Variants in TRIM27 observed in about 807,000 individuals in gnomAD.
The protein encoded by TRIM27 is tripartite motif containing 27.
A neutral mutation model predicts 57.6 loss-of-function variants in TRIM27; 12 were observed. That is an observed-to-expected ratio of 0.21 (90% CI 0.13 to 0.34). The LOEUF (loss-of-function observed/expected upper bound fraction) is 0.34, where lower values mean the gene tolerates loss of function less well. Among genes scored for constraint, TRIM27 ranks in the 10% least tolerant of loss-of-function variants. The pLI is 1.00. For synonymous variants in TRIM27, 266 were observed against 259.0 expected (o/e 1.03, Z -0.26); for missense variants, 403 against 656.8 (o/e 0.61, Z 4.22).
Position 28,908,823 on chromosome 6 carries a change from T to A in TRIM27, c.904A>T (p.Met302Leu). 6.2e-7 allele frequency: 1 copy of A among 1,613,904 alleles called. No homozygotes were observed. The highest frequency in any genetic ancestry group is 8.5e-7 in the Non-Finnish European group (1 of 1,179,872). ...KQFTEKMQSD[M>L]EKIQELREAQ... is the part of the protein sequence containing the mutation. ...ATAAATTTACCTTGGATTTTCTCCA[T>A]ATCTGACTGCATTTTTTCTAAGAAA... The change falls in exon 6 of 8, where the codon ATG becomes TTG. Residue 302 changes from methionine (M) to leucine (L), a missense_variant. Met to Leu is a conservative substitution (Grantham distance 15). Coordinates refer to ENST00000377199, the MANE Select transcript of TRIM27 (RefSeq NM_006510.5).
intron 4 of TRIM27, among the ~76,000 whole-genome samples, chr6:28,910,123 GAAAAAA>G (rs9278120): frequency 0.49 from 47,524 of 97,776 alleles, 9,719 homozygotes; most frequent in African/African-American, 0.62. Context: ...AAAGAAAAAT[GAAAAAA>G]AAAAAAAAAA....
intron 3 of TRIM27, among the ~76,000 whole-genome samples, chr6:28,917,071 G>A (rs1312909417): frequency 2.6e-5 from 4 of 151,880 alleles, no homozygotes; most frequent in African/African-American, 9.7e-5. Flanking sequence ...GAGCCTGGGA[G>A]GTCAAGGCTG....
chr6:28,913,192 T>G (rs935324557), intron 3 of TRIM27, among the ~76,000 whole-genome samples: 2 of 150,176 alleles, frequency 1.3e-5, no homozygotes, highest in Non-Finnish European at 3.0e-5. Flanking sequence ...GAGGCAGAGG[T>G]TGCGGTAAGC....
intron 3 of TRIM27, among the ~76,000 whole-genome samples, chr6:28,916,512 G>A (rs958765772): frequency 9.3e-5 from 14 of 150,760 alleles, no homozygotes; most frequent in African/African-American, 1.2e-4. Context: ...AGATCGTGCC[G>A]TTACACTCCA....
At chr6:28,908,257 G>GT (rs1377604669) in intron 6 of TRIM27, 1 of 154,692 alleles carries the variant, frequency 6.5e-6, no homozygotes, top group Non-Finnish European at 1.4e-5. Context: ...ACCTCAGGAG[G>GT]TAAGAACTAT....
Position 28,911,716 on chromosome 6 carries a change from G to A in TRIM27, c.750C>T (p.Asp250=). 4 of 1,611,830 alleles carry A rather than the reference G, an allele frequency of 2.5e-6. No individual in the cohort carries two copies. Among genetic ancestry groups the A allele is most frequent in the South Asian group, 2.2e-5 (2 of 90,514 alleles). ...TATACCTGCTCAATGTGTCCCCAATGTCCTGCAAGAGAAAGGAAAAAAAAT... is the reference window on the plus strand; with the variant it reads ...TATACCTGCTCAATGTGTCCCCAATATCCTGCAAGAGAAAGGAAAAAAAAT... ...QQQPTRELLQ[D]IGDTLSRAER... is the part of the protein sequence containing the mutation. The change falls in exon 4 of 8, where the codon GAC becomes GAT. Residue 250 remains aspartate (D), a splice_region_variant and synonymous_variant. Coordinates refer to ENST00000377199, the MANE Select transcript of TRIM27 (RefSeq NM_006510.5).
intron 3 of TRIM27, among the ~76,000 whole-genome samples, chr6:28,917,688 A>T (rs754470356): frequency 6.6e-6 from 1 of 152,126 alleles, no homozygotes; most frequent in African/African-American, 2.4e-5. Context: ...TGTCTTTCCC[A>T]TACTCTGAAA....
At chr6:28,910,588 C>A (rs1207377303) in intron 4 of TRIM27, among the ~76,000 whole-genome samples, 1 of 152,150 alleles carries the variant, frequency 6.6e-6, no homozygotes, top group Non-Finnish European at 1.5e-5. Context: ...ACTTGGCCTC[C>A]CAAAATGCTG....
rs1774216430 is a variant in TRIM27 at position 28,923,464 on chromosome 6, G to A, written c.169C>T (p.Arg57Trp). Reference sequence around the variant, plus strand: ...ATGTGCCTCTGCGGGAAGGTCTCCCGGCACTGCGGGCACGACACGTTAGTC... The same window carrying A: ...ATGTGCCTCTGCGGGAAGGTCTCCCAGCACTGCGGGCACGACACGTTAGTC... ...AETNVSCPQC[R>W]ETFPQRHMRP... The change falls in exon 1 of 8, where the codon CGG (arginine) becomes TGG (tryptophan). Residue 57 changes from arginine (R) to tryptophan (W), a missense_variant. Arg to Trp is a moderately radical substitution (Grantham distance 101). Transcript: ENST00000377199. The A allele has an allele frequency of 1.2e-6, 2 of 1,611,906 alleles. No individual in the cohort carries two copies. Among genetic ancestry groups the A allele is most frequent in the South Asian group, 1.1e-5 (1 of 90,984 alleles).
At chr6:28,915,901 C>A (rs1400238003) in intron 3 of TRIM27, among the ~76,000 whole-genome samples, 3 of 152,078 alleles carry the variant, frequency 2.0e-5, no homozygotes, top group Non-Finnish European at 4.4e-5. Context: ...TATATATGTA[C>A]TGAAATATAT....
rs937816219 is a variant in TRIM27, at chr6:28,911,818, A to C, written c.748-100T>G. ...AAAAACCAACTACAGACTGGCTCTC[A>C]TGGGAGAAATTAGGGAGAAAAGGAT... On this transcript the variant is annotated intron_variant, in intron 3 of 7. Coordinates refer to ENST00000377199, the MANE Select transcript of TRIM27 (RefSeq NM_006510.5). 2.5e-5 allele frequency: 28 copies of C among 1,133,808 alleles called. No individual in the cohort carries two copies. The Middle Eastern group carries it at 6.0e-4, about 24-fold the overall frequency. 70.2% of individuals were successfully genotyped at this position (1,133,808 alleles called of 1,614,324 possible).
chr6:28,923,066 A>G (rs1263708545), intron 1 of TRIM27, 147 bp downstream of exon 1: 1 of 952,348 alleles, frequency 1.1e-6, no homozygotes, highest in Non-Finnish European at 1.5e-6. Context: ...CTGAGTGCTG[A>G]GGCTCTGGAG....
intron 1 of TRIM27, among the ~76,000 whole-genome samples, chr6:28,922,623 G>A (rs2150495316): frequency 6.6e-6 from 1 of 152,232 alleles, no homozygotes; most frequent in Non-Finnish European, 1.5e-5. Flanking sequence ...TTGTTTCCAC[G>A]TTTCTGTTTA....
chr6:28,903,846 C>T lies in TRIM27; in HGVS notation c.*224G>A, dbSNP rs539970136. 2.1e-5 allele frequency: 12 copies of T among 565,092 alleles called. No homozygotes were observed. The highest frequency in any genetic ancestry group is 1.5e-4 in the South Asian group (6 of 39,214). 35.0% of individuals were successfully genotyped at this position (565,092 alleles called of 1,614,324 possible). On this transcript the variant is annotated 3_prime_UTR_variant, in exon 8 of 8. Coordinates refer to ENST00000377199, the MANE Select transcript of TRIM27 (RefSeq NM_006510.5). ...GAAAGTATGAAACACTGGAGGTGGACATCTGGTTTTTATTTCTAGGATATC... is the reference window on the plus strand; with the variant it reads ...GAAAGTATGAAACACTGGAGGTGGATATCTGGTTTTTATTTCTAGGATATC...
chr6:28,915,226 T>C (rs1773511969), intron 3 of TRIM27: 1 of 151,252 alleles, frequency 6.6e-6, no homozygotes, highest in Middle Eastern at 3.4e-3. Context: ...CCATGACTTC[T>C]TTCTTTCTCT....
chr6:28,910,419 A>C (rs749830534), intron 4 of TRIM27, among the ~76,000 whole-genome samples: 4 of 152,082 alleles, frequency 2.6e-5, no homozygotes, highest in Non-Finnish European at 5.9e-5. Context: ...AACCTCCGCC[A>C]CAAGAGTTTG....
chr6:28,907,896 G>C (rs961841636), intron 6 of TRIM27: 2 of 258,204 alleles, frequency 7.7e-6, no homozygotes, highest in Non-Finnish European at 1.6e-5. Context: ...GTTGCTAGAT[G>C]CCCCAAAAAG....
chr6:28,913,468 TCTAA>T (rs1388216340), intron 3 of TRIM27, among the ~76,000 whole-genome samples: 2 of 151,848 alleles, frequency 1.3e-5, no homozygotes, highest in Admixed American at 6.6e-5. Context: ...AATTGTTAAT[TCTAA>T]CTGTGTGTAT....
chr6:28,922,533 T>A (rs1488045929), intron 1 of TRIM27, among the ~76,000 whole-genome samples: 1 of 152,212 alleles, frequency 6.6e-6, no homozygotes, highest in Non-Finnish European at 1.5e-5. Flanking sequence ...TACGCATTCC[T>A]GAAGCCCTCA....
Sources: allele counts gnomAD v4.1 joint callset (sites outside exome capture counted in the v4.1 genomes callset), GRCh38; gene constraint gnomAD v4.1.1; transcripts MANE v1.5; gene names NCBI Gene and HGNC (gene_info 2026-07-23, HGNC 2026-07-21).